The following CCDC7 variants were observed in gnomAD, a reference collection of about 807,000 sequenced individuals.
CCDC7 encodes coiled-coil domain-containing protein 7.
Under a neutral mutation model 196.9 loss-of-function variants are expected in CCDC7, and 183 were observed. The ratio of observed to expected loss-of-function variants is 0.93; its 90% CI spans 0.82 to 1.05. The LOEUF (loss-of-function observed/expected upper bound fraction) is 1.05, where lower values mean the gene tolerates loss of function less well. CCDC7 is among the 50% of genes least tolerant of loss of function. The pLI is 0.00. For synonymous variants in CCDC7, 525 were observed against 484.6 expected, an observed-to-expected ratio of 1.08 and a Z score of -1.10; for missense variants, 1,540 against 1,482.2, an observed-to-expected ratio of 1.04 and a Z score of -0.64.
chr10:32,726,132 G>A (rs1304302379), intron 25 of CCDC7, among the ~76,000 whole-genome samples: 1 of 150,862 alleles, frequency 6.6e-6, no homozygotes, highest in Non-Finnish European at 1.5e-5. Context: ...TTTTCTGATT[G>A]GTTATTTCTG....
intron 21 of CCDC7, among the ~76,000 whole-genome samples, chr10:32,683,811 G>T (rs1350919064): frequency 1.3e-5 from 2 of 152,182 alleles, no homozygotes; most frequent in Non-Finnish European, 2.9e-5. Flanking sequence ...GGCAGAAGTA[G>T]GGTGGCTGCA....
intron 9 of CCDC7, among the ~76,000 whole-genome samples, chr10:32,515,814 C>T (rs2046938662): frequency 6.6e-6 from 1 of 152,042 alleles, no homozygotes. Flanking sequence ...GCTGGGATTA[C>T]AGGCGTGAGC....
At chr10:32,489,393 CTTG>C (rs986193823) in intron 8 of CCDC7, among the ~76,000 whole-genome samples, 4 of 152,166 alleles carry the variant, frequency 2.6e-5, no homozygotes, top group Non-Finnish European at 5.9e-5. Flanking sequence ...CGTGGGCTAG[CTTG>C]TTGTGGTGGT....
intron 20 of CCDC7, among the ~76,000 whole-genome samples, chr10:32,649,791 T>G (rs1479171479): frequency 2.0e-5 from 3 of 152,234 alleles, no homozygotes; most frequent in Non-Finnish European, 2.9e-5. Context: ...TTTCCTCAAC[T>G]TGGTCTATTC....
chr10:32,714,970 G>C lies in CCDC7; in HGVS notation c.2569+3240G>C, dbSNP rs749585592. 5.3e-5 allele frequency among the ~76,000 whole-genome samples: 8 copies of C among 152,118 alleles called. No individual in the cohort carries two copies. The East Asian group carries it at 5.8e-4, about 11-fold the overall frequency. On this transcript the variant is annotated intron_variant, in intron 25 of 41. Coordinates refer to ENST00000639629, the Ensembl canonical transcript of CCDC7. ...GGGGGAAGGGGTGGCTGTGGGCGCA[G>C]CTTCAGCAAACTTAAATGTTCCTGA...
intron 25 of CCDC7, chr10:32,725,466 T>C: frequency 4.3e-6 from 2 of 463,276 alleles, no homozygotes; most frequent in East Asian, 7.0e-5. Flanking sequence ...TTCCTTTCAG[T>C]TTTAGTTCCC....
intron 31 of CCDC7, among the ~76,000 whole-genome samples, chr10:32,816,714 C>T (rs564386487): frequency 1.3e-5 from 2 of 152,242 alleles, no homozygotes; most frequent in East Asian, 3.9e-4. Flanking sequence ...CTGCTGATAC[C>T]CAGGCAAACA....
At chr10:32,713,066 C>A (rs2081072847) in intron 25 of CCDC7, among the ~76,000 whole-genome samples, 2 of 152,190 alleles carry the variant, frequency 1.3e-5, no homozygotes, top group African/African-American at 4.8e-5. Context: ...ACCTGGACTG[C>A]AGCAAATCCC....
intron 33 of CCDC7, among the ~76,000 whole-genome samples, chr10:32,840,430 C>T (rs1057081372): frequency 6.6e-6 from 1 of 152,018 alleles, no homozygotes; most frequent in African/African-American, 2.4e-5. Flanking sequence ...TGGAAATATA[C>T]AATCCCCCTA....
chr10:32,640,057 C>G (rs1471666251), intron 20 of CCDC7, among the ~76,000 whole-genome samples: 3 of 152,074 alleles, frequency 2.0e-5, no homozygotes, highest in African/African-American at 4.8e-5. Context: ...TCTATTAGGT[C>G]TTCTTGGTGC....
intron 17 of CCDC7, 106 bp downstream of exon 18, chr10:32,583,413 C>A: frequency 1.3e-6 from 1 of 761,392 alleles, no homozygotes; most frequent in Non-Finnish European, 1.8e-6. Context: ...TTTCTTATTT[C>A]AAGAGAATTA....
intron 8 of CCDC7, among the ~76,000 whole-genome samples, chr10:32,475,462 C>T (rs1182366018): frequency 1.3e-5 from 2 of 152,168 alleles, no homozygotes; most frequent in Non-Finnish European, 2.9e-5. Flanking sequence ...AATCCCTGTA[C>T]CCACTTATAG....
At chr10:32,689,133 C>G in exon 23 of CCDC7, 1 of 1,597,980 alleles carries the variant, frequency 6.3e-7, no homozygotes, top group Non-Finnish European at 8.6e-7. Context: ...AGTGAAGGAA[C>G]AAAGAACTCT....
chr10:32,591,761 C>G (rs1279040038), intron 18 of CCDC7, among the ~76,000 whole-genome samples: 2 of 152,158 alleles, frequency 1.3e-5, no homozygotes, highest in African/African-American at 4.8e-5. Flanking sequence ...AAGGGCTCTT[C>G]AGTTAGCTTT....
intron 18 of CCDC7, among the ~76,000 whole-genome samples, chr10:32,592,775 C>T (rs946967525): frequency 5.9e-5 from 9 of 152,152 alleles, no homozygotes; most frequent in African/African-American, 2.2e-4. Flanking sequence ...GTTCAGTTCC[C>T]ACCTGTGAGT....
chr10:32,553,610 C>G (rs996151630), intron 13 of CCDC7, among the ~76,000 whole-genome samples: 1 of 152,078 alleles, frequency 6.6e-6, no homozygotes, highest in Non-Finnish European at 1.5e-5. Flanking sequence ...ATGGGGTGTT[C>G]CCTTGATGTA....
intron 9 of CCDC7, chr10:32,513,670 T>C (rs1450640261): frequency 6.6e-6 from 1 of 152,210 alleles, no homozygotes; most frequent in Admixed American, 6.5e-5. Context: ...GTGAGATTTA[T>C]TTTAGGAATG....
chr10:32,836,551 C>A (rs2092616079), intron 33 of CCDC7, among the ~76,000 whole-genome samples: 1 of 152,134 alleles, frequency 6.6e-6, no homozygotes, highest in South Asian at 2.1e-4. Flanking sequence ...CCTGTTGTTT[C>A]CTGACTTTTC....
intron 11 of CCDC7, among the ~76,000 whole-genome samples, chr10:32,537,283 G>C (rs1026339842): frequency 2.0e-5 from 3 of 152,010 alleles, no homozygotes; most frequent in African/African-American, 7.2e-5. Context: ...ATGTTTGTTG[G>C]CTACATGTAT....
Sources: allele counts gnomAD v4.1 joint callset (sites outside exome capture counted in the v4.1 genomes callset), GRCh38; gene constraint gnomAD v4.1.1; transcripts MANE v1.5; gene names NCBI Gene and HGNC (gene_info 2026-07-23, HGNC 2026-07-21).